The following OLA1 variants were observed in gnomAD, a reference collection of about 807,000 sequenced individuals.
OLA1 encodes Obg like ATPase 1.
In OLA1, 14 loss-of-function variants were observed where a neutral mutation model predicts 48.4. The observed-to-expected ratio is 0.29, with a 90% confidence interval of 0.19 to 0.45. OLA1 has a LOEUF of 0.45. Ranked by LOEUF, OLA1 falls within the 20% of genes least tolerant of loss-of-function variation. OLA1 has a pLI of 1.00. For missense variants in OLA1, 325 were observed against 467.1 expected (o/e 0.70, Z 2.80); for synonymous variants, 127 against 150.4 (o/e 0.84, Z 1.14).
rs146820105 is a variant in OLA1, at chr2:174,197,264, A to C, written c.373+25769T>G. ...CAAAACAACAAACACCCAAGCTCTAAAGGCCTAATTAACTGCAGTGTTGGG... is the reference window on the plus strand; with the variant it reads ...CAAAACAACAAACACCCAAGCTCTACAGGCCTAATTAACTGCAGTGTTGGG... On this transcript the variant is annotated intron_variant, in intron 4 of 10. Coordinates refer to ENST00000284719, the MANE Select transcript of OLA1 (RefSeq NM_013341.5). Among the ~76,000 whole-genome samples, 37 of 152,310 alleles carry C rather than the reference A, an allele frequency of 2.4e-4. No individual in the cohort carries two copies. The East Asian group carries it at 3.3e-3, about 14-fold the overall frequency.
At chr2:174,130,369 AC>A (rs1290508838) in intron 5 of OLA1, among the ~76,000 whole-genome samples, 2 of 152,222 alleles carry the variant, frequency 1.3e-5, no homozygotes, top group Non-Finnish European at 2.9e-5. Flanking sequence ...GGTGAGGGGA[AC>A]CCCCCAAGAA....
intron 2 of OLA1, among the ~76,000 whole-genome samples, 197 bp downstream of exon 2, chr2:174,246,518 G>A (rs1225555755): frequency 2.6e-5 from 4 of 152,078 alleles, no homozygotes; most frequent in African/African-American, 4.8e-5. Context: ...AGCCTATGTA[G>A]GTACCACACA....
intron 5 of OLA1, among the ~76,000 whole-genome samples, chr2:174,133,898 A>C (rs1366762766): frequency 1.3e-5 from 2 of 152,194 alleles, no homozygotes; most frequent in African/African-American, 4.8e-5. Context: ...CATCACTCCA[A>C]AATAAAGCAA....
At chr2:174,139,408 G>A (rs534918402) in intron 5 of OLA1, among the ~76,000 whole-genome samples, 10 of 152,260 alleles carry the variant, frequency 6.6e-5, no homozygotes, top group Admixed American at 4.6e-4. Context: ...CTCCAGAACC[G>A]GGAAAGAAGA....
intron 4 of OLA1, among the ~76,000 whole-genome samples, chr2:174,222,311 T>C (rs1236379659): frequency 1.3e-5 from 2 of 152,208 alleles, no homozygotes; most frequent in East Asian, 1.9e-4. Context: ...ACTATAGTTA[T>C]CTAGTTGAGG....
intron 4 of OLA1, among the ~76,000 whole-genome samples, chr2:174,205,037 T>A (rs111676216): frequency 2.6e-5 from 4 of 152,306 alleles, no homozygotes; most frequent in African/African-American, 7.2e-5. Flanking sequence ...GCAGGTCATA[T>A]CTAAAACGGT....
chr2:174,196,424 CCTT>C (rs1687879402), intron 4 of OLA1, among the ~76,000 whole-genome samples: 1 of 152,116 alleles, frequency 6.6e-6, no homozygotes, highest in African/African-American at 2.4e-5. Context: ...TATTACAACA[CCTT>C]CTTATTTGCT....
intron 5 of OLA1, among the ~76,000 whole-genome samples, chr2:174,126,592 G>C (rs1259121722): frequency 1.3e-5 from 2 of 152,172 alleles, no homozygotes; most frequent in African/African-American, 2.4e-5. Flanking sequence ...TTAAGCATGG[G>C]AATAAATCCT....
At chr2:174,104,193 C>T (rs575883489) in intron 7 of OLA1, among the ~76,000 whole-genome samples, 195 of 151,638 alleles carry the variant, frequency 1.3e-3, no homozygotes, top group Middle Eastern at 3.4e-3. Flanking sequence ...CTTAATTACC[C>T]GAAGGACAAG....
intron 4 of OLA1, among the ~76,000 whole-genome samples, chr2:174,164,348 A>AATACCATTCTGCATAGTGCAGACTGG: frequency 8.1e-6 from 1 of 124,122 alleles, no homozygotes; most frequent in South Asian, 2.7e-4. Context: ...GGCACTACGC[A>AATACCATTCTGCATAGTGCAGACTGG]ATACCATTCT....
intron 4 of OLA1, among the ~76,000 whole-genome samples, chr2:174,147,192 C>T (rs13027134): frequency 0.13 from 19,664 of 152,008 alleles, 1,471 homozygotes; most frequent in East Asian, 0.21. Context: ...TTTGGGAGGC[C>T]GAGGTGGGCG....
intron 5 of OLA1, among the ~76,000 whole-genome samples, chr2:174,137,299 T>C (rs1294701490): frequency 6.6e-6 from 1 of 152,200 alleles, no homozygotes; most frequent in East Asian, 1.9e-4. Flanking sequence ...GCTTAAAATA[T>C]TCAGTGAACC....
intron 4 of OLA1, among the ~76,000 whole-genome samples, chr2:174,208,539 T>C (rs1298045109): frequency 6.6e-6 from 1 of 152,200 alleles, no homozygotes; most frequent in Non-Finnish European, 1.5e-5. Flanking sequence ...CAAAATCAAA[T>C]TCGGCGTTAA....
chr2:174,092,403 G>A (rs1404339433), intron 7 of OLA1, among the ~76,000 whole-genome samples: 1 of 152,098 alleles, frequency 6.6e-6, no homozygotes, highest in African/African-American at 2.4e-5. Context: ...GGTGGCTCAC[G>A]CCTGTAATCC....
At chr2:174,228,805 T>C (rs6707192) in intron 3 of OLA1, among the ~76,000 whole-genome samples, 75,002 of 152,082 alleles carry the variant, frequency 0.49, 19,289 homozygotes, top group East Asian at 0.99. Context: ...TACTCCATTT[T>C]ATACTCCCCA....
chr2:174,244,807 T>C (rs2105468895), intron 2 of OLA1, among the ~76,000 whole-genome samples: 1 of 152,170 alleles, frequency 6.6e-6, no homozygotes, highest in South Asian at 2.1e-4. Context: ...GTTGTGTTTT[T>C]TTAAAGTAGA....
intron 4 of OLA1, among the ~76,000 whole-genome samples, chr2:174,208,397 G>A (rs1688163807): frequency 6.6e-6 from 1 of 152,034 alleles, no homozygotes; most frequent in Admixed American, 6.6e-5. Flanking sequence ...TCCTCCCTCT[G>A]AAAAATGCAC....
At chr2:174,160,428 A>G (rs1686984361) in intron 4 of OLA1, among the ~76,000 whole-genome samples, 1 of 152,196 alleles carries the variant, frequency 6.6e-6, no homozygotes, top group Admixed American at 6.5e-5. Flanking sequence ...ATTTTTTAAA[A>G]ATTGCTACCT....
chr2:174,155,298 G>T (rs1041426100), intron 4 of OLA1, among the ~76,000 whole-genome samples: 2 of 152,158 alleles, frequency 1.3e-5, no homozygotes, highest in African/African-American at 4.8e-5. Flanking sequence ...AGGAATCAAT[G>T]AATGAAAGAA....
Sources: allele counts gnomAD v4.1 joint callset (sites outside exome capture counted in the v4.1 genomes callset), GRCh38; gene constraint gnomAD v4.1.1; transcripts MANE v1.5; gene names NCBI Gene and HGNC (gene_info 2026-07-23, HGNC 2026-07-21).